SCUBE1: variants seen among roughly 807,000 people sequenced by gnomAD.
SCUBE1 encodes signal peptide, CUB domain and EGF like domain containing 1, also known as signal peptide, CUB and EGF-like domain-containing protein 1.
A neutral mutation model predicts 124.4 loss-of-function variants in SCUBE1; 59 were observed. That is an observed-to-expected ratio of 0.47 (90% confidence interval 0.38 to 0.59). SCUBE1 has a LOEUF of 0.59. SCUBE1 is among the 20% of genes least tolerant of loss of function. The pLI is 0.00. For synonymous variants in SCUBE1, 545 were observed against 550.9 expected, an observed-to-expected ratio of 0.99 and a Z score of 0.15; for missense variants, 1,150 against 1,371.2, an observed-to-expected ratio of 0.84 and a Z score of 2.55.
chr22:43,227,753 G>T (rs5759223), intron 9 of SCUBE1, among the ~76,000 whole-genome samples: 5 of 152,070 alleles, frequency 3.3e-5, no homozygotes, highest in Admixed American at 6.5e-5. Flanking sequence ...CCCAGGCTAG[G>T]GGGCAGAGGA....
rs763029224 is a variant in SCUBE1 at position 43,207,562 on chromosome 22, G to C, written c.2786C>G (p.Ala929Gly). ...EDIVRDGRLY[A>G]SENHQEILKD... ...CAAAATTTCCTGGTGGTTCTCCGAG[G>C]CGTACAGGCGCCCATCGCGCACGAT... Residue 929 changes from alanine to glycine, a missense_variant, in exon 21 of 22, where the codon GCC (alanine) becomes GGC (glycine). By Grantham distance (60) the Ala-to-Gly change is moderately conservative. This residue lies in a region of SCUBE1 where 757 missense variants were observed against 840.9 expected (regional missense o/e 0.90). Transcript: ENST00000360835. 1.2e-6 allele frequency: 2 copies of C among 1,613,912 alleles called. No individual in the cohort carries two copies. The highest frequency in any genetic ancestry group is 2.7e-5 in the African/African-American group (2 of 74,942).
In SCUBE1 at chr22:43,258,444, G is replaced by A; in HGVS notation, c.611-109C>T. On this transcript the variant is annotated intron_variant, in intron 5 of 21. Coordinates refer to ENST00000360835, the MANE Select transcript of SCUBE1 (RefSeq NM_173050.5). This position sits in a 1 kb window ranked among gnomAD's most constrained non-coding sequence, Gnocchi z 5.0. ...GGGTATGGGGAAACTGAGGCCTAAG[G>A]GCATCAGTGGGTAGGGTCATGAGGC... The A allele has an allele frequency of 1.3e-6, 1 of 790,464 alleles. No individual in the cohort carries two copies. Among genetic ancestry groups the A allele is most frequent in the Non-Finnish European group, 2.2e-6 (1 of 445,582 alleles). 49.0% of individuals were successfully genotyped at this position (790,464 alleles called of 1,614,324 possible).
chr22:43,262,023 G>C (rs958782522), intron 5 of SCUBE1, among the ~76,000 whole-genome samples: 25 of 152,078 alleles, frequency 1.6e-4, no homozygotes, highest in African/African-American at 5.6e-4. Context: ...TAAGAGGCTG[G>C]ACTACACGTG....
At chr22:43,286,437 G>A (rs1028119424) in intron 4 of SCUBE1, among the ~76,000 whole-genome samples, 1 of 152,256 alleles carries the variant, frequency 6.6e-6, no homozygotes, top group Non-Finnish European at 1.5e-5. Context: ...CGTCTGATGA[G>A]GCTTCAGAGC....
chr22:43,339,948 C>A (rs117466997), intron 1 of SCUBE1, among the ~76,000 whole-genome samples: 338 of 17,760 alleles, frequency 0.019, no homozygotes, highest in Middle Eastern at 0.031. Context: ...ACCCTCCCCC[C>A]ACTCTCCTCA....
chr22:43,250,703 A>C (rs34586152), intron 6 of SCUBE1, among the ~76,000 whole-genome samples: 26,573 of 152,130 alleles, frequency 0.17, 2,403 homozygotes, highest in South Asian at 0.25. Flanking sequence ...AACACGGGGC[A>C]GAGTGCAAGG....
chr22:43,339,627 T>TCATTC, intron 1 of SCUBE1, among the ~76,000 whole-genome samples: 1 of 108,506 alleles, frequency 9.2e-6, no homozygotes, highest in African/African-American at 4.2e-5. Context: ...CCTACTCTCC[T>TCATTC]TACTCTATCC....
At chr22:43,319,558 C>CAAAAA (rs35230785) in intron 3 of SCUBE1, among the ~76,000 whole-genome samples, 884 of 54,920 alleles carry the variant, frequency 0.016, 123 homozygotes, top group African/African-American at 0.062. Flanking sequence ...GACTCCATCT[C>CAAAAA]AAAAAAAAAA....
intron 6 of SCUBE1, among the ~76,000 whole-genome samples, chr22:43,257,705 G>C (rs1400599044): frequency 6.6e-6 from 1 of 152,208 alleles, no homozygotes; most frequent in Non-Finnish European, 1.5e-5. Flanking sequence ...CTGGAGTTTA[G>C]ACAATGACCA....
At chr22:43,286,900 G>T (rs150576828) in intron 4 of SCUBE1, among the ~76,000 whole-genome samples, 245 of 152,340 alleles carry the variant, frequency 1.6e-3, no homozygotes, top group African/African-American at 5.7e-3. Context: ...TCTACATTGA[G>T]AGAAAAGGAG....
intron 7 of SCUBE1, chr22:43,238,416 T>C: frequency 2.2e-6 from 1 of 454,024 alleles, no homozygotes; most frequent in Non-Finnish European, 4.0e-6. Context: ...ACTGTCCCCA[T>C]CAGCTCTGCA....
chr22:43,290,551 C>A (rs949807835), intron 4 of SCUBE1, among the ~76,000 whole-genome samples: 1 of 152,272 alleles, frequency 6.6e-6, no homozygotes, highest in Non-Finnish European at 1.5e-5. Context: ...CCCAGGCTGG[C>A]CTGCCACACT....
chr22:43,270,204 C>G (rs774937415), intron 4 of SCUBE1: 2 of 152,196 alleles, frequency 1.3e-5, no homozygotes, highest in Non-Finnish European at 2.9e-5. Context: ...GGTATGTGTA[C>G]AAGGAGTATA....
At chr22:43,231,940 G>T in intron 7 of SCUBE1, 65 bp from the exon 8 acceptor site, 1 of 1,590,240 alleles carries the variant, frequency 6.3e-7, no homozygotes, top group Non-Finnish European at 8.6e-7. Context: ...ACCAGCGGGG[G>T]GACGGCAGGC....
chr22:43,220,546 A>G lies in SCUBE1; in HGVS notation c.1591T>C (p.Ser531Pro), dbSNP rs1446201982. 2 of 1,613,966 alleles carry G rather than the reference A, an allele frequency of 1.2e-6. No homozygotes were observed. The highest frequency in any genetic ancestry group is 2.7e-5 in the African/African-American group (2 of 74,932). Residue 531 changes from serine to proline, a missense_variant, in exon 14 of 22, where the codon TCC becomes CCC. Ser to Pro is a moderately conservative substitution (Grantham distance 74, BLOSUM62 -1). Around this residue, in one of 3 missense-constraint regions of SCUBE1, gnomAD observed 757 missense variants for 840.9 expected, o/e 0.90. Coordinates refer to ENST00000360835, the MANE Select transcript of SCUBE1 (RefSeq NM_173050.5). Reference protein sequence around the residue: ...VTFVTLKCDSSKKRRRGRKSP... With the variant: ...VTFVTLKCDSPKKRRRGRKSP... ...TTGCGGCCACGGCGCCTCTTCTTGG[A>G]GGAGTCACACTTGAGGGTCACGAAA...
chr22:43,246,985 G>T (rs538990600), intron 6 of SCUBE1, among the ~76,000 whole-genome samples: 2 of 152,324 alleles, frequency 1.3e-5, no homozygotes, highest in Middle Eastern at 3.4e-3. Flanking sequence ...AGGGGTCCAG[G>T]TTACAGGCAC....
intron 13 of SCUBE1, 76 bp downstream of exon 13, chr22:43,221,096 TG>T: frequency 8.5e-7 from 1 of 1,174,704 alleles, no homozygotes. Flanking sequence ...CGCTGGACCC[TG>T]GGGCCCCAGC....
At position 43,272,712 on chromosome 22, in the gene SCUBE1, G is replaced by A. The variant is rs567092524; in HGVS notation, c.485-9867C>T. ...AAGGTGGTTGGTTGATGAGCTCACC[G>A]GGCACGGACATGGGCCACAGCTCCG... On this transcript the variant is annotated intron_variant, in intron 4 of 21. Transcript: ENST00000360835. 1.8e-4 allele frequency among the ~76,000 whole-genome samples: 27 copies of A among 152,288 alleles called. No homozygotes were observed. In the South Asian group the frequency reaches 5.6e-3, roughly 32 times the overall value.
At chr22:43,208,338 C>T in intron 19 of SCUBE1, 114 bp from the exon 20 acceptor site, 2 of 922,688 alleles carry the variant, frequency 2.2e-6, no homozygotes, top group Non-Finnish European at 3.4e-6. Context: ...GCCTGGTCCC[C>T]CAAACACAAC....
Sources: gnomAD v4.1 joint callset for allele counts (sites outside exome capture counted in the v4.1 genomes callset) on GRCh38, gnomAD v4.1.1 for gene constraint, gnomAD v4.1.1 regional missense constraint, Gnocchi (gnomAD v3.1) non-coding constraint, MANE v1.5 for transcripts, NCBI Gene and HGNC (gene_info 2026-07-23, HGNC 2026-07-21) for gene names.